The following CYP51A1 variants were observed in gnomAD, a reference collection of about 807,000 sequenced individuals.
CYP51A1 encodes the protein cytochrome P450 family 51 subfamily A member 1.
Under a neutral mutation model 53.5 loss-of-function variants are expected in CYP51A1, and 45 were observed. The observed-to-expected ratio is 0.84, with a 90% CI of 0.66 to 1.08. The LOEUF is 1.08. Ranked by LOEUF, CYP51A1 falls within the 50% of genes least tolerant of loss-of-function variation. The pLI, the probability that CYP51A1 is intolerant of heterozygous loss-of-function variation, is 0.00. For synonymous variants in CYP51A1, 181 were observed against 217.7 expected (o/e 0.83, Z 1.48); for missense variants, 462 against 621.7 (o/e 0.74, Z 2.73).
chr7:92,123,022 G>C (rs1032979905), intron 7 of CYP51A1, 98 bp downstream of exon 7: 3 of 871,506 alleles, frequency 3.4e-6, no homozygotes, highest in Admixed American at 2.6e-5. Context: ...ATCAATTTAA[G>C]CTATAGTATA....
At chr7:92,116,173 A>G (rs1403040683) in intron 9 of CYP51A1, among the ~76,000 whole-genome samples, 2 of 152,186 alleles carry the variant, frequency 1.3e-5, no homozygotes, top group East Asian at 3.9e-4. Context: ...TCAGGAGGCT[A>G]AGGCACGAGA....
chr7:92,128,428 C>CTCTCTGTGTGTGTGTGTG (rs112952169), intron 3 of CYP51A1, among the ~76,000 whole-genome samples: 17 of 143,130 alleles, frequency 1.2e-4, no homozygotes, highest in African/African-American at 4.1e-4. Context: ...TGGTTGGTTT[C>CTCTCTGTGTGTGTGTGTG]TGTGTGTGTG....
chr7:92,116,874 A>G lies in CYP51A1; in HGVS notation c.1351+170T>C, dbSNP rs115233124. On this transcript the variant is annotated intron_variant, in intron 9 of 9. Transcript: ENST00000003100. ...TTTATGGAACAATTCCATTTGGTAC[A>G]AAGGAAATATTTTTCTCCAACTTAT... 2.7e-3 allele frequency among the ~76,000 whole-genome samples: 408 copies of G among 152,338 alleles called. 3 individuals carry two copies. The highest frequency in any genetic ancestry group is 9.5e-3 in the African/African-American group (394 of 41,578).
chr7:92,112,204 C>CAATT lies in CYP51A1; in HGVS notation c.*1457_*1460dup, dbSNP rs1343214341. The CAATT allele has an allele frequency of 5.3e-5, 8 of 152,238 alleles. No individual in the cohort carries two copies. Among genetic ancestry groups the CAATT allele is most frequent in the African/African-American group, 1.7e-4 (7 of 41,552 alleles). 9.4% of individuals were successfully genotyped at this position (152,238 alleles called of 1,614,324 possible). A position where few individuals can be genotyped will look rare whatever the true frequency, so the allele number is the denominator to read the frequency against. ...AAAATTAGCAGAGATTCTGCCTTCA[C>CAATT]AATTAGAGTTTAACATGAGTCTTCC... On this transcript the variant is annotated 3_prime_UTR_variant, in exon 10 of 10. Coordinates refer to ENST00000003100, the MANE Select transcript of CYP51A1 (RefSeq NM_000786.4).
chr7:92,129,111 C>A, intron 2 of CYP51A1, 55 bp from the exon 3 acceptor site: 1 of 1,105,402 alleles, frequency 9.0e-7, no homozygotes, highest in Non-Finnish European at 1.3e-6. Context: ...AACACTACGA[C>A]AGTAACTTTT....
intron 9 of CYP51A1, among the ~76,000 whole-genome samples, chr7:92,114,398 G>A (rs1409586248): frequency 6.6e-6 from 1 of 152,142 alleles, no homozygotes; most frequent in Non-Finnish European, 1.5e-5. Flanking sequence ...ACATAAAACT[G>A]ATTTCAAATC....
intron 5 of CYP51A1, among the ~76,000 whole-genome samples, chr7:92,124,612 T>A (rs1819757992): frequency 6.6e-6 from 1 of 152,240 alleles, no homozygotes; most frequent in Admixed American, 6.5e-5. Context: ...ACTGTTAATC[T>A]GTTATTGAGG....
In CYP51A1 at chr7:92,113,708, G is replaced by A. The variant is rs760102740; in HGVS notation, c.1487C>T (p.Thr496Ile). The A allele has an allele frequency of 1.9e-6, 3 of 1,612,030 alleles. No homozygotes were observed. The highest frequency in any genetic ancestry group is 2.2e-5 in the East Asian group (1 of 44,780). ...GTAACGGATAACTGGGTTTTCAGGGGTGTGAATCATAGTTGTATAATTCAC... is the reference window on the plus strand; with the variant it reads ...GTAACGGATAACTGGGTTTTCAGGGATGTGAATCATAGTTGTATAATTCAC... ...PTVNYTTMIH[T>I]PENPVIRYKR... The change falls in exon 10 of 10, where the codon ACC becomes ATC. Residue 496 changes from threonine to isoleucine, a missense_variant. Transcript: ENST00000003100.
rs1563177374 is a variant in CYP51A1, at chr7:92,117,140, C to CT, written c.1254dup (p.Asp419ArgfsTer10). 6.2e-7 allele frequency: 1 copy of CT among 1,614,088 alleles called. No individual in the cohort carries two copies. Among genetic ancestry groups the CT allele is most frequent in the East Asian group, 2.2e-5 (1 of 44,864 alleles). On this transcript the variant is annotated frameshift_variant, in exon 9 of 10. Transcript: ENST00000003100. LOFTEE classifies it high-confidence loss of function. ...AAGTCCAGGCGTTCTACCCATGAGT[C>CT]TTTAAGTCTTTGATTGACAGTGGGA... is the stretch of plus-strand genomic sequence containing the variant.
intron 7 of CYP51A1, among the ~76,000 whole-genome samples, chr7:92,119,425 T>C (rs1819641422): frequency 6.6e-6 from 1 of 152,138 alleles, no homozygotes; most frequent in South Asian, 2.1e-4. Flanking sequence ...TAACATCCCC[T>C]AACACACACA....
intron 8 of CYP51A1, 136 bp downstream of exon 8, chr7:92,118,384 T>A: frequency 1.5e-6 from 1 of 666,768 alleles, no homozygotes. Flanking sequence ...TGGTCTCAAA[T>A]TCTGGCCTCA....
chr7:92,122,681 T>G (rs893520127), intron 7 of CYP51A1, among the ~76,000 whole-genome samples: 3 of 152,224 alleles, frequency 2.0e-5, no homozygotes, highest in Non-Finnish European at 2.9e-5. Flanking sequence ...ACCCAGCAAG[T>G]TGCATGTAGT....
At position 92,129,118 on chromosome 7, in the gene CYP51A1, T is replaced by G. The variant is rs567551219; in HGVS notation, c.292-62A>C. Reference sequence around the variant, plus strand: ...AAATATGCAACACTACGACAGTAACTTTTTAAAATCACAAAATAATGCATT... The same window carrying G: ...AAATATGCAACACTACGACAGTAACGTTTTAAAATCACAAAATAATGCATT... On this transcript the variant is annotated intron_variant, in intron 2 of 9. Transcript: ENST00000003100. 6.6e-6 allele frequency: 7 copies of G among 1,056,978 alleles called. No individual in the cohort carries two copies. In the East Asian group the frequency reaches 1.9e-4, roughly 28 times the overall value. 65.5% of individuals were successfully genotyped at this position (1,056,978 alleles called of 1,614,324 possible). A position where few individuals can be genotyped will look rare whatever the true frequency, so the allele number is the denominator to read the frequency against.
At position 92,112,847 on chromosome 7, in the gene CYP51A1, A is replaced by AGG. The variant is rs1325439206; in HGVS notation, c.*816_*817dup. The AGG allele has an allele frequency of 1.0e-4, 15 of 150,514 alleles. No homozygotes were observed. Among genetic ancestry groups the AGG allele is most frequent in the African/African-American group, 3.7e-4 (15 of 40,262 alleles). The allele number at this position is 150,514 out of a possible 1,614,324, so 9.3% of individuals were successfully genotyped here. On this transcript the variant is annotated 3_prime_UTR_variant, in exon 10 of 10. Transcript: ENST00000003100. ...CCATCTCAAAAAAAAAAAAAAAAAA[A>AGG]GGAAGCAGGGAACAACTGAGCCAAA...
At chr7:92,124,593 A>G (rs1050995736) in intron 5 of CYP51A1, among the ~76,000 whole-genome samples, 1 of 152,190 alleles carries the variant, frequency 6.6e-6, no homozygotes, top group African/African-American at 2.4e-5. Flanking sequence ...ACTCTGTTTC[A>G]TTTACAAGAC....
intron 3 of CYP51A1, among the ~76,000 whole-genome samples, chr7:92,128,249 A>G (rs1819840829): frequency 6.6e-6 from 1 of 152,204 alleles, no homozygotes; most frequent in Non-Finnish European, 1.5e-5. Flanking sequence ...CTAAGTTATC[A>G]TTGATTCCAT....
rs1283486835 is a variant in CYP51A1, at chr7:92,134,475, A to G, written c.-111T>C. Reference sequence around the variant, plus strand: ...CAGGGGGCCTTGCCCCAGGTCTCCTACTAAACCCAGCCCCACCCCTCGGGT... The same window carrying G: ...CAGGGGGCCTTGCCCCAGGTCTCCTGCTAAACCCAGCCCCACCCCTCGGGT... On this transcript the variant is annotated 5_prime_UTR_variant, in exon 1 of 10. Transcript: ENST00000003100. 4.1e-6 allele frequency: 5 copies of G among 1,212,222 alleles called. No individual in the cohort carries two copies. In the East Asian group the frequency reaches 1.3e-4, roughly 32 times the overall value. 75.1% of individuals were successfully genotyped at this position (1,212,222 alleles called of 1,614,324 possible).
intron 7 of CYP51A1, among the ~76,000 whole-genome samples, chr7:92,119,122 C>A (rs1422847582): frequency 6.6e-6 from 1 of 152,148 alleles, no homozygotes; most frequent in African/African-American, 2.4e-5. Context: ...GGAGCCAGAG[C>A]AAATTTTCCA....
upstream of CYP51A1, chr7:92,134,515 C>G (rs538919838): frequency 5.6e-4 from 416 of 747,010 alleles, no homozygotes; most frequent in Non-Finnish European, 7.9e-4. Flanking sequence ...CGCGCGCCAC[C>G]CCGTGCGTCA....
Sources: gnomAD v4.1 joint callset for allele counts (sites outside exome capture counted in the v4.1 genomes callset) on GRCh38, gnomAD v4.1.1 for gene constraint, MANE v1.5 for transcripts, NCBI Gene and HGNC (gene_info 2026-07-23, HGNC 2026-07-21) for gene names.